FSTL4: variants seen among roughly 807,000 people sequenced by gnomAD.
The protein encoded by FSTL4 is follistatin like 4.
FSTL4 carries 28 observed loss-of-function variants against 78.2 expected under a neutral mutation model. The observed-to-expected ratio is 0.36, with a 90% CI of 0.27 to 0.49. The LOEUF is 0.49. Ranked by LOEUF, FSTL4 falls within the 20% of genes least tolerant of loss-of-function variation. The pLI is 0.98. For missense variants in FSTL4, 922 were observed against 1,084.9 expected (o/e 0.85, Z 2.11); for synonymous variants, 422 against 440.5 (o/e 0.96, Z 0.53).
chr5:133,439,776 A>C (rs1239779537), intron 3 of FSTL4, among the ~76,000 whole-genome samples: 2 of 152,210 alleles, frequency 1.3e-5, no homozygotes, highest in African/African-American at 4.8e-5. Context: ...ATGGGAGAGC[A>C]GGCCACACCA....
the FSTL4 span, among the ~76,000 whole-genome samples, chr5:133,783,233 G>A: frequency 6.6e-6 from 1 of 152,148 alleles, no homozygotes; most frequent in African/African-American, 2.4e-5. Flanking sequence ...CAACCTCAAT[G>A]AAATTAGGTG....
At chr5:133,517,479 C>CCACACACACA (rs70974086) in intron 3 of FSTL4, among the ~76,000 whole-genome samples, 2,852 of 55,514 alleles carry the variant, frequency 0.051, 146 homozygotes, top group Non-Finnish European at 0.065. Flanking sequence ...CACACACACA[C>CCACACACACA]CACACACACA....
chr5:133,827,058 C>T, the FSTL4 span, among the ~76,000 whole-genome samples: 32 of 152,296 alleles, frequency 2.1e-4, no homozygotes, highest in African/African-American at 7.0e-4. Context: ...TTTGTGGGTC[C>T]GTAAAGACGG....
At chr5:133,228,265 A>G (rs986383152) in intron 8 of FSTL4, among the ~76,000 whole-genome samples, 2 of 152,192 alleles carry the variant, frequency 1.3e-5, no homozygotes, top group South Asian at 2.1e-4. Context: ...GAAACTTGGA[A>G]GTACCAGCAT....
At chr5:133,531,910 A>G (rs1470528905) in intron 3 of FSTL4, among the ~76,000 whole-genome samples, 2 of 152,226 alleles carry the variant, frequency 1.3e-5, no homozygotes, top group Non-Finnish European at 2.9e-5. Flanking sequence ...CAGGTCAGGG[A>G]TGGAACAGGG....
chr5:133,694,409 A>G, the FSTL4 span, among the ~76,000 whole-genome samples: 1 of 152,258 alleles, frequency 6.6e-6, no homozygotes, highest in Non-Finnish European at 1.5e-5. Flanking sequence ...CTCTCAATCA[A>G]CAACATTCAC....
chr5:133,263,441 G>A (rs1752576202), intron 6 of FSTL4, among the ~76,000 whole-genome samples: 1 of 152,164 alleles, frequency 6.6e-6, no homozygotes, highest in African/African-American at 2.4e-5. Context: ...GGGCCAGTGA[G>A]GAGGGTAGGG....
chr5:133,679,521 G>A, the FSTL4 span, among the ~76,000 whole-genome samples: 4 of 152,074 alleles, frequency 2.6e-5, no homozygotes, highest in African/African-American at 9.7e-5. Context: ...ACTCCTGAAA[G>A]GCCTCAGAAG....
At chr5:133,508,615 A>G (rs1422755920) in intron 3 of FSTL4, among the ~76,000 whole-genome samples, 1 of 152,210 alleles carries the variant, frequency 6.6e-6, no homozygotes, top group Non-Finnish European at 1.5e-5. Flanking sequence ...GCACATGACT[A>G]AGTAATCCAG....
the FSTL4 span, among the ~76,000 whole-genome samples, chr5:133,840,596 T>C: frequency 1.3e-5 from 2 of 152,218 alleles, no homozygotes; most frequent in Non-Finnish European, 2.9e-5. Context: ...ATGCCCTCCA[T>C]GTGCTCACAG....
intron 3 of FSTL4, among the ~76,000 whole-genome samples, chr5:133,473,695 A>G (rs1004341309): frequency 3.3e-5 from 5 of 152,232 alleles, no homozygotes; most frequent in African/African-American, 1.2e-4. Flanking sequence ...CTGTGAAGAA[A>G]TACCTGAGAC....
Position 133,316,464 on chromosome 5 carries a change from C to A in FSTL4, c.598G>T (p.Ala200Ser), listed in dbSNP as rs372784323. 2.9e-5 allele frequency: 46 copies of A among 1,612,592 alleles called. No homozygotes were observed. Among genetic ancestry groups the A allele is most frequent in the Non-Finnish European group, 3.6e-5 (42 of 1,179,048 alleles). ...GNGHLSSSEL[A>S]QHVLKKQDLD... ...TCACTGAACACGATGCCCACCTGAGCCAGTTCGGAGCTGCTGAGGTGGCCA... is the reference window on the plus strand; with the variant it reads ...TCACTGAACACGATGCCCACCTGAGACAGTTCGGAGCTGCTGAGGTGGCCA... Residue 200 changes from alanine (A) to serine (S), a missense_variant, in exon 5 of 16, where the codon GCT (alanine) becomes TCT (serine). By Grantham distance (99) the Ala-to-Ser change is moderately conservative. Coordinates refer to ENST00000265342, the MANE Select transcript of FSTL4 (RefSeq NM_015082.2).
the FSTL4 span, among the ~76,000 whole-genome samples, chr5:133,822,605 G>A: frequency 6.6e-6 from 1 of 152,160 alleles, no homozygotes; most frequent in African/African-American, 2.4e-5. Flanking sequence ...AGGGTCCCTG[G>A]TGAAGCCAGA....
intron 3 of FSTL4, among the ~76,000 whole-genome samples, chr5:133,564,190 G>A (rs533595358): frequency 6.6e-5 from 10 of 152,164 alleles, no homozygotes; most frequent in Middle Eastern, 3.4e-3. Flanking sequence ...TTGGATTAGG[G>A]CCCACCCTAA....
chr5:133,728,740 C>A, the FSTL4 span, among the ~76,000 whole-genome samples: 377 of 149,916 alleles, frequency 2.5e-3, no homozygotes, highest in Non-Finnish European at 4.4e-3. Flanking sequence ...GATGTCTAAC[C>A]AAATAAAAGA....
intron 6 of FSTL4, among the ~76,000 whole-genome samples, chr5:133,304,007 G>A (rs776850839): frequency 4.6e-5 from 7 of 152,082 alleles, no homozygotes; most frequent in South Asian, 2.1e-4. Context: ...AGGTAGCCTC[G>A]GCCATGCAAA....
chr5:133,354,548 C>A (rs1439961549), intron 4 of FSTL4, among the ~76,000 whole-genome samples: 1 of 152,224 alleles, frequency 6.6e-6, no homozygotes, highest in East Asian at 1.9e-4. Flanking sequence ...CCAGCAGTAA[C>A]TGGCAGTTCC....
At chr5:133,548,999 G>GT (rs1380121473) in intron 3 of FSTL4, among the ~76,000 whole-genome samples, 14 of 152,118 alleles carry the variant, frequency 9.2e-5, no homozygotes, top group Admixed American at 9.2e-4. Context: ...TAAGTAATCT[G>GT]TTTTTTCTCT....
the FSTL4 span, among the ~76,000 whole-genome samples, chr5:133,646,312 G>C: frequency 1.3e-5 from 2 of 152,140 alleles, no homozygotes; most frequent in African/African-American, 4.8e-5. Flanking sequence ...CAAAGGCTCT[G>C]AGTGAGGGAA....
Sources: allele counts gnomAD v4.1 joint callset (sites outside exome capture counted in the v4.1 genomes callset), GRCh38; gene constraint gnomAD v4.1.1; transcripts MANE v1.5; gene names NCBI Gene and HGNC (gene_info 2026-07-23, HGNC 2026-07-21).